Variants in TTC29 observed in about 807,000 individuals in gnomAD.
TTC29 encodes tetratricopeptide repeat domain 29.
Under a neutral mutation model 58.1 loss-of-function variants are expected in TTC29, and 49 were observed. The ratio of observed to expected loss-of-function variants is 0.84; its 90% CI spans 0.67 to 1.07. TTC29 has a LOEUF of 1.07. Among genes scored for constraint, TTC29 ranks in the 50% least tolerant of loss-of-function variants. The probability of loss-of-function intolerance (pLI) is 0.00; values close to 1 mark genes in which losing one functional copy is unlikely to be tolerated. For missense variants in TTC29, 582 were observed against 555.6 expected (o/e 1.05, Z -0.48); for synonymous variants, 209 against 196.8 (o/e 1.06, Z -0.52).
intron 11 of TTC29, among the ~76,000 whole-genome samples, chr4:146,776,140 T>C (rs1279306287): frequency 6.6e-6 from 1 of 152,242 alleles, no homozygotes; most frequent in Admixed American, 6.5e-5. Flanking sequence ...CTCTATCAGA[T>C]AAGTTTGTTT....
chr4:146,720,007 G>A lies in TTC29; in HGVS notation c.1331-12456C>T, dbSNP rs564076300. Among the ~76,000 whole-genome samples the A allele has an allele frequency of 1.2e-3, 186 of 152,120 alleles. 1 individual carries two copies. Among genetic ancestry groups the A allele is most frequent in the African/African-American group, 4.3e-3 (179 of 41,514 alleles). On this transcript the variant is annotated intron_variant, in intron 11 of 12. Transcript: ENST00000325106. ...TTCATGCCCAGTGATTGAATAAATC[G>A]ATCCATTTATTACAACATCTTCACT...
At chr4:146,730,035 C>A (rs1364922520) in intron 11 of TTC29, among the ~76,000 whole-genome samples, 1 of 152,030 alleles carries the variant, frequency 6.6e-6, no homozygotes, top group East Asian at 1.9e-4. Context: ...TCTTTACATA[C>A]TAACTTTGTA....
intron 9 of TTC29, among the ~76,000 whole-genome samples, chr4:146,826,956 G>A (rs368079105): frequency 5.1e-4 from 77 of 151,924 alleles, no homozygotes; most frequent in Middle Eastern, 3.4e-3. Flanking sequence ...CCATCAGGTC[G>A]TTTATGTTCC....
intron 11 of TTC29, among the ~76,000 whole-genome samples, chr4:146,801,212 G>A (rs4458474): frequency 0.011 from 1,745 of 152,156 alleles, 34 homozygotes; most frequent in African/African-American, 0.04. Context: ...TAAGAGTTGT[G>A]GTTCAAGAAG....
At chr4:146,851,119 A>T (rs893706297) in intron 8 of TTC29, among the ~76,000 whole-genome samples, 6 of 152,224 alleles carry the variant, frequency 3.9e-5, no homozygotes, top group Admixed American at 3.3e-4. Flanking sequence ...CAACCCAGCA[A>T]ATCATACTTT....
At chr4:146,889,643 T>C (rs1192215527) in intron 6 of TTC29, among the ~76,000 whole-genome samples, 1 of 152,152 alleles carries the variant, frequency 6.6e-6, no homozygotes, top group East Asian at 1.9e-4. Flanking sequence ...AAGGCTGTTT[T>C]TCTAATAAAC....
intron 6 of TTC29, among the ~76,000 whole-genome samples, chr4:146,891,748 C>T (rs540488448): frequency 6.6e-6 from 1 of 152,136 alleles, no homozygotes; most frequent in African/African-American, 2.4e-5. Flanking sequence ...TGAGGCACAG[C>T]CAGAGCACGA....
intron 7 of TTC29, among the ~76,000 whole-genome samples, chr4:146,872,367 C>T (rs937514884): frequency 2.6e-5 from 4 of 151,960 alleles, no homozygotes; most frequent in Non-Finnish European, 5.9e-5. Context: ...GAAGCAAGAA[C>T]AGCAAAAGAA....
At chr4:146,814,266 T>A (rs916014762) in intron 10 of TTC29, among the ~76,000 whole-genome samples, 1 of 152,074 alleles carries the variant, frequency 6.6e-6, no homozygotes, top group East Asian at 1.9e-4. Flanking sequence ...AAATGCTACA[T>A]GGATAATTCA....
intron 11 of TTC29, among the ~76,000 whole-genome samples, chr4:146,747,730 C>T (rs1313729498): frequency 1.3e-5 from 2 of 152,188 alleles, no homozygotes; most frequent in Non-Finnish European, 2.9e-5. Flanking sequence ...TGCCCTACCC[C>T]TAGGGATCCA....
At chr4:146,754,158 A>G (rs1215816139) in intron 11 of TTC29, among the ~76,000 whole-genome samples, 2 of 151,802 alleles carry the variant, frequency 1.3e-5, no homozygotes, top group African/African-American at 4.8e-5. Flanking sequence ...AGAAATTATA[A>G]CAGATGCCTC....
At chr4:146,707,908 T>A (rs1446357230) in intron 11 of TTC29, among the ~76,000 whole-genome samples, 4 of 152,098 alleles carry the variant, frequency 2.6e-5, no homozygotes, top group Admixed American at 2.6e-4. Flanking sequence ...TACCTGGTTA[T>A]CTTAGGATAC....
intron 4 of TTC29, among the ~76,000 whole-genome samples, chr4:146,909,862 A>G (rs1254274170): frequency 2.0e-5 from 3 of 152,170 alleles, no homozygotes; most frequent in Non-Finnish European, 2.9e-5. Context: ...ATAGGTGCTG[A>G]GTTTCCTACT....
intron 11 of TTC29, among the ~76,000 whole-genome samples, chr4:146,718,352 C>T (rs1406959621): frequency 6.6e-6 from 1 of 152,158 alleles, no homozygotes; most frequent in Non-Finnish European, 1.5e-5. Flanking sequence ...ACAAGGGTTC[C>T]CTTTTCTCCA....
intron 2 of TTC29, among the ~76,000 whole-genome samples, chr4:146,941,331 A>G (rs1736369636): frequency 6.6e-6 from 1 of 152,202 alleles, no homozygotes; most frequent in Admixed American, 6.5e-5. Flanking sequence ...CCCAGGGAAA[A>G]TCACAATAAA....
chr4:146,747,946 C>T (rs1745672104), intron 11 of TTC29, among the ~76,000 whole-genome samples: 1 of 152,228 alleles, frequency 6.6e-6, no homozygotes, highest in Admixed American at 6.5e-5. Flanking sequence ...GGAGTCATTG[C>T]TGTGCTGTTC....
At chr4:146,819,867 T>G (rs548855698) in intron 10 of TTC29, among the ~76,000 whole-genome samples, 1 of 152,160 alleles carries the variant, frequency 6.6e-6, no homozygotes, top group East Asian at 1.9e-4. Flanking sequence ...CCTCACTGGA[T>G]GTGAATCTAT....
At chr4:146,738,840 C>T (rs1744913234) in intron 11 of TTC29, among the ~76,000 whole-genome samples, 2 of 152,096 alleles carry the variant, frequency 1.3e-5, no homozygotes, top group Non-Finnish European at 2.9e-5. Context: ...CCCAAGAGGG[C>T]AAGGTTGGGG....
At chr4:146,809,358 A>G (rs1750852718) in intron 10 of TTC29, among the ~76,000 whole-genome samples, 1 of 150,212 alleles carries the variant, frequency 6.7e-6, no homozygotes, top group African/African-American at 2.4e-5. Flanking sequence ...CACCAAAAGC[A>G]ATGGCAACAA....
Sources: gnomAD v4.1 joint callset for allele counts (sites outside exome capture counted in the v4.1 genomes callset) on GRCh38, gnomAD v4.1.1 for gene constraint, MANE v1.5 for transcripts, NCBI Gene and HGNC (gene_info 2026-07-23, HGNC 2026-07-21) for gene names.